The following SMIM41 variants were observed in gnomAD, a reference collection of about 807,000 sequenced individuals.
The protein encoded by SMIM41 is small integral membrane protein 41.
At chr12:52,098,773 A>G (rs1940156361) in intron 2 of SMIM41, among the ~76,000 whole-genome samples, 1 of 151,374 alleles carries the variant, frequency 6.6e-6, no homozygotes, top group African/African-American at 2.4e-5. Flanking sequence ...ATTGGGAGTA[A>G]AATTATCCTC....
chr12:52,081,365 G>T lies in SMIM41; in HGVS notation c.*120+1184G>T, dbSNP rs1050651775. ...AGGCTGAGTGCCTGTGAGGGGCAGC[G>T]GGAGGGTGTGGGCAGGTGCAGCTAA... On this transcript the variant is annotated intron_variant, in intron 1 of 2. Coordinates refer to ENST00000546390, the MANE Select transcript of SMIM41 (RefSeq NM_001369216.1). The surrounding 1 kb of genome is among the most constrained non-coding windows in gnomAD (Gnocchi z 4.1). 1.3e-5 allele frequency among the ~76,000 whole-genome samples: 2 copies of T among 152,102 alleles called. No homozygotes were observed. The highest frequency in any genetic ancestry group is 2.9e-5 in the Non-Finnish European group (2 of 67,992).
chr12:52,106,526 T>G (rs1334032360), intron 2 of SMIM41, among the ~76,000 whole-genome samples: 2 of 152,146 alleles, frequency 1.3e-5, no homozygotes, highest in Non-Finnish European at 2.9e-5. Flanking sequence ...GTATTTTTAG[T>G]AGAGGCGGGG....
At chr12:52,106,980 G>A (rs1378876340) in intron 2 of SMIM41, among the ~76,000 whole-genome samples, 23 of 152,174 alleles carry the variant, frequency 1.5e-4, no homozygotes, top group Non-Finnish European at 2.9e-4. Context: ...TTTTCTTAAA[G>A]TGAAGAGAAT....
In SMIM41 at chr12:52,107,753, T is replaced by A; in HGVS notation, c.*570T>A. On this transcript the variant is annotated 3_prime_UTR_variant, in exon 3 of 3. Coordinates refer to ENST00000546390, the MANE Select transcript of SMIM41 (RefSeq NM_001369216.1). ...CATTCAGCCATCATGAACCTGTGTT[T>A]CTGTGGCTTCCTAGTTTTGCTGTCT... 5.0e-6 allele frequency: 2 copies of A among 397,824 alleles called. No homozygotes were observed. The highest frequency in any genetic ancestry group is 4.0e-5 in the South Asian group (2 of 49,428). 24.6% of individuals were successfully genotyped at this position (397,824 alleles called of 1,614,324 possible).
chr12:52,097,889 CCA>C (rs1463529551), intron 2 of SMIM41, among the ~76,000 whole-genome samples: 1 of 151,164 alleles, frequency 6.6e-6, no homozygotes, highest in Non-Finnish European at 1.5e-5. Flanking sequence ...GATATTAAAA[CCA>C]ATACCACAAG....
Position 52,106,303 on chromosome 12 carries a change from A to T in SMIM41, c.*196-1076A>T, listed in dbSNP as rs1592333770. 2.0e-5 allele frequency among the ~76,000 whole-genome samples: 3 copies of T among 152,294 alleles called. No individual in the cohort carries two copies. The East Asian group carries it at 5.8e-4, about 29-fold the overall frequency. On this transcript the variant is annotated intron_variant, in intron 2 of 2. Transcript: ENST00000546390. Reference sequence around the variant, plus strand: ...ATTGACACTTCCTTGGTTCACAAAAATTGGCTGTCATCAGTGTGACTTCGA... The same window carrying T: ...ATTGACACTTCCTTGGTTCACAAAATTTGGCTGTCATCAGTGTGACTTCGA...
At chr12:52,085,276 G>A (rs964291050) in intron 2 of SMIM41, among the ~76,000 whole-genome samples, 1 of 152,166 alleles carries the variant, frequency 6.6e-6, no homozygotes, top group African/African-American at 2.4e-5. Context: ...GCTTCTGGCA[G>A]TAGAGCCTGG....
chr12:52,097,161 T>C (rs1321821553), intron 2 of SMIM41, among the ~76,000 whole-genome samples: 1 of 152,066 alleles, frequency 6.6e-6, no homozygotes, highest in Admixed American at 6.5e-5. Context: ...CTCCATGATA[T>C]TGTTCCTAAT....
At position 52,080,782 on chromosome 12, in the gene SMIM41, T is replaced by C. The variant is rs375084685; in HGVS notation, c.*120+601T>C. ...TCTTGAGACAGGGAGGGGAGTGTGG[T>C]CATGTTTGAGGGCAGATCCAGGGGC... On this transcript the variant is annotated intron_variant, in intron 1 of 2. Coordinates refer to ENST00000546390, the MANE Select transcript of SMIM41 (RefSeq NM_001369216.1). Among the ~76,000 whole-genome samples, 59 of 151,976 alleles carry C rather than the reference T, an allele frequency of 3.9e-4. 1 individual carries two copies. The South Asian group carries it at 0.012, about 32-fold the overall frequency.
chr12:52,097,281 T>C (rs1940115659), intron 2 of SMIM41, among the ~76,000 whole-genome samples: 1 of 151,882 alleles, frequency 6.6e-6, no homozygotes, highest in African/African-American at 2.4e-5. Flanking sequence ...CCCCCCTCTC[T>C]TTCCCTGGAT....
At position 52,081,623 on chromosome 12, in the gene SMIM41, G is replaced by T. The variant is rs1458419974; in HGVS notation, c.*120+1442G>T. On this transcript the variant is annotated intron_variant, in intron 1 of 2. Transcript: ENST00000546390. The surrounding 1 kb of genome is among the most constrained non-coding windows in gnomAD (Gnocchi z 4.1). ...CACAGGCAGGGGGCTGGGCCCAGGG[G>T]ACATTCCCCCCTCCCTTTGCTGGGG... 6.6e-6 allele frequency among the ~76,000 whole-genome samples: 1 copy of T among 152,092 alleles called. No homozygotes were observed. Among genetic ancestry groups the T allele is most frequent in the Non-Finnish European group, 1.5e-5 (1 of 68,000 alleles).
chr12:52,081,224 G>A lies in SMIM41; in HGVS notation c.*120+1043G>A. 6.6e-6 allele frequency among the ~76,000 whole-genome samples: 1 copy of A among 152,130 alleles called. No homozygotes were observed. The highest frequency in any genetic ancestry group is 1.9e-4 in the East Asian group (1 of 5,196). On this transcript the variant is annotated intron_variant, in intron 1 of 2. Coordinates refer to ENST00000546390, the MANE Select transcript of SMIM41 (RefSeq NM_001369216.1). The surrounding 1 kb of genome is among the most constrained non-coding windows in gnomAD (Gnocchi z 4.1). Reference sequence around the variant, plus strand: ...GAGCCCTGGGGGTTTCTGTGGGTGGGAGTGTTTGTCAGGGGTGACTTTGGC... The same window carrying A: ...GAGCCCTGGGGGTTTCTGTGGGTGGAAGTGTTTGTCAGGGGTGACTTTGGC...
At position 52,086,541 on chromosome 12, in the gene SMIM41, C is replaced by T. The variant is rs150583106; in HGVS notation, c.*195+2573C>T. Among the ~76,000 whole-genome samples the T allele has an allele frequency of 3.7e-4, 56 of 152,314 alleles. No individual in the cohort carries two copies. In the East Asian group the frequency reaches 7.7e-3, roughly 21 times the overall value. Reference sequence around the variant, plus strand: ...TCCTGCTCCACAGCTGCCAGGCTGCCCTTCCCAGCCGCAGCTGACTTCCAC... The same window carrying T: ...TCCTGCTCCACAGCTGCCAGGCTGCTCTTCCCAGCCGCAGCTGACTTCCAC... On this transcript the variant is annotated intron_variant, in intron 2 of 2. Transcript: ENST00000546390.
intron 2 of SMIM41, among the ~76,000 whole-genome samples, chr12:52,103,357 C>CAAAAA (rs532598136): frequency 1.7e-5 from 2 of 116,980 alleles, no homozygotes; most frequent in African/African-American, 6.1e-5. Context: ...AAAATAAAAC[C>CAAAAA]AAAAAAAAAA....
intron 2 of SMIM41, among the ~76,000 whole-genome samples, chr12:52,084,376 A>AC (rs200567976): frequency 0.025 from 948 of 37,244 alleles, 8 homozygotes; most frequent in African/African-American, 0.11. Flanking sequence ...TCAACCACAA[A>AC]AAAAAAAACA....
chr12:52,096,805 G>T (rs190023853), intron 2 of SMIM41, among the ~76,000 whole-genome samples: 33 of 151,730 alleles, frequency 2.2e-4, no homozygotes, highest in African/African-American at 8.0e-4. Flanking sequence ...ATTGCGATAC[G>T]TAATATTGCG....
At chr12:52,082,317 G>A (rs1043067129) in intron 1 of SMIM41, among the ~76,000 whole-genome samples, 3 of 152,196 alleles carry the variant, frequency 2.0e-5, no homozygotes, top group Admixed American at 6.5e-5. Flanking sequence ...CAGCATCATC[G>A]TGTCTGCTCA....
chr12:52,098,406 T>TC (rs1555172674), intron 2 of SMIM41, among the ~76,000 whole-genome samples: 3 of 132,508 alleles, frequency 2.3e-5, no homozygotes, highest in African/African-American at 8.5e-5. Context: ...TATGATTTTC[T>TC]CCCCCCTGGA....
chr12:52,100,239 C>T (rs530946777), intron 2 of SMIM41, among the ~76,000 whole-genome samples: 23 of 152,056 alleles, frequency 1.5e-4, no homozygotes, highest in African/African-American at 5.1e-4. Context: ...ATCCTCTCCC[C>T]GCTGGGATAT....
Sources: allele counts gnomAD v4.1 joint callset (sites outside exome capture counted in the v4.1 genomes callset), GRCh38; gene constraint gnomAD v4.1.1; non-coding constraint Gnocchi (gnomAD v3.1); transcripts MANE v1.5; gene names NCBI Gene and HGNC (gene_info 2026-07-23, HGNC 2026-07-21).